Variants in PIWIL2 observed in about 807,000 individuals in gnomAD.
The protein encoded by PIWIL2 is piwi like RNA-mediated gene silencing 2, also known as piwi-like protein 2.
Under a neutral mutation model 116.5 loss-of-function variants are expected in PIWIL2, and 81 were observed. The ratio of observed to expected loss-of-function variants is 0.70; its 90% CI spans 0.58 to 0.84. The LOEUF (loss-of-function observed/expected upper bound fraction) is 0.84. Among genes scored for constraint, PIWIL2 ranks in the 40% least tolerant of loss-of-function variants. The pLI is 0.00. For missense variants in PIWIL2, 1,272 were observed against 1,212.3 expected (o/e 1.05, Z -0.73); for synonymous variants, 489 against 429.5 (o/e 1.14, Z -1.71).
intron 20 of PIWIL2, among the ~76,000 whole-genome samples, chr8:22,351,440 C>CAT (rs71544885): frequency 0.023 from 1,185 of 52,444 alleles, 14 homozygotes; most frequent in Non-Finnish European, 0.028. Context: ...TGCATACATA[C>CAT]ATATATATAT....
chr8:22,311,234 G>T lies in PIWIL2; in HGVS notation c.1923G>T (p.Trp641Cys). ...PIGMRMSPPA[W>C]VELKDDRIET... ...GCATGCGTATGAGCCCACCGGCCTGGGTTGAACTAAAGGATGACCGAATAG... is the reference window on the plus strand; with the variant it reads ...GCATGCGTATGAGCCCACCGGCCTGTGTTGAACTAAAGGATGACCGAATAG... The change falls in exon 16 of 23, where the codon TGG becomes TGT. Residue 641 changes from tryptophan (W) to cysteine (C), a missense_variant. Coordinates refer to ENST00000356766, the MANE Select transcript of PIWIL2 (RefSeq NM_018068.5). 1 of 1,614,152 alleles carries T rather than the reference G, an allele frequency of 6.2e-7. No homozygotes were observed. Among genetic ancestry groups the T allele is most frequent in the Non-Finnish European group, 8.5e-7 (1 of 1,180,020 alleles).
chr8:22,327,352 G>A (rs1302899008), intron 20 of PIWIL2, among the ~76,000 whole-genome samples: 1 of 146,252 alleles, frequency 6.8e-6, no homozygotes. Flanking sequence ...ACTGTTTTTT[G>A]TGGGGTTTTT....
At chr8:22,316,158 T>A in intron 18 of PIWIL2, 87 bp from the exon 19 acceptor site, 1 of 765,932 alleles carries the variant, frequency 1.3e-6, no homozygotes, top group Non-Finnish European at 2.3e-6. Flanking sequence ...AAGGGGAGGT[T>A]GCTTTGGGAT....
chr8:22,352,777 C>G (rs1832402181), intron 20 of PIWIL2, 182 bp from the exon 21 acceptor site: 3 of 564,722 alleles, frequency 5.3e-6, no homozygotes, highest in African/African-American at 1.9e-5. Context: ...TTTTACTACC[C>G]CAAGGAAGTC....
intron 21 of PIWIL2, 126 bp from the exon 22 acceptor site, chr8:22,354,145 G>A: frequency 1.5e-6 from 1 of 660,950 alleles, no homozygotes. Flanking sequence ...TGGCCTCTGT[G>A]TCCTTGATCC....
chr8:22,278,773 C>A (rs1009177809), intron 1 of PIWIL2, among the ~76,000 whole-genome samples: 1 of 152,182 alleles, frequency 6.6e-6, no homozygotes, highest in Non-Finnish European at 1.5e-5. Context: ...ATCACCTGAG[C>A]TCTGCCTCCT....
chr8:22,325,794 C>G (rs1419019937), intron 20 of PIWIL2, among the ~76,000 whole-genome samples: 1 of 151,882 alleles, frequency 6.6e-6, no homozygotes, highest in Non-Finnish European at 1.5e-5. Flanking sequence ...TTGTTTTAGT[C>G]CTTTCATAGT....
rs1563340709 is a variant in PIWIL2, at chr8:22,279,405, T to A, written c.19T>A (p.Ser7Thr). The A allele has an allele frequency of 1.2e-6, 2 of 1,614,000 alleles. No individual in the cohort carries two copies. Among genetic ancestry groups the A allele is most frequent in the Non-Finnish European group, 8.5e-7 (1 of 1,180,010 alleles). MDPFRP[S>T]FRGQSPIHPS... ...CCCGTCCATGGATCCTTTCCGACCA[T>A]CGTTCAGGGGCCAGTCTCCTATCCA... The change falls in exon 2 of 23, where the codon TCG (serine) becomes ACG (threonine). Residue 7 changes from serine (S) to threonine (T), a missense_variant. Physicochemically the swap from Ser to Thr is moderately conservative, Grantham distance 58. Transcript: ENST00000356766.
At chr8:22,283,991 A>G (rs906060072) in intron 5 of PIWIL2, among the ~76,000 whole-genome samples, 171 bp from the exon 6 acceptor site, 5 of 151,810 alleles carry the variant, frequency 3.3e-5, no homozygotes, top group African/African-American at 1.2e-4. Flanking sequence ...TTTGCCTTCT[A>G]GCCTTCAGAG....
intron 10 of PIWIL2, among the ~76,000 whole-genome samples, chr8:22,296,793 C>G (rs1227378181): frequency 6.6e-6 from 1 of 152,096 alleles, no homozygotes; most frequent in East Asian, 1.9e-4. Flanking sequence ...CCTCACTATT[C>G]TATATGAGAT....
intron 10 of PIWIL2, 23 bp downstream of exon 10, chr8:22,290,369 C>G: frequency 7.7e-7 from 1 of 1,302,738 alleles, no homozygotes; most frequent in Non-Finnish European, 1.1e-6. Context: ...TGGGGTCTAT[C>G]TTTAACATGC....
At chr8:22,303,979 G>C (rs1831113738) in intron 10 of PIWIL2, 42 bp from the exon 11 acceptor site, 2 of 1,344,954 alleles carry the variant, frequency 1.5e-6, no homozygotes, top group Admixed American at 1.8e-5. Context: ...TACTGTTCTG[G>C]ATATATACTG....
At chr8:22,325,481 C>CTTTTTTTT (rs749493740) in intron 20 of PIWIL2, among the ~76,000 whole-genome samples, 6 of 95,038 alleles carry the variant, frequency 6.3e-5, no homozygotes, top group Admixed American at 1.4e-4. Context: ...TTGATTTAGT[C>CTTTTTTTT]TTTTTTTTTT....
At chr8:22,319,756 T>A (rs1437476811) in intron 20 of PIWIL2, among the ~76,000 whole-genome samples, 2 of 152,226 alleles carry the variant, frequency 1.3e-5, no homozygotes, top group African/African-American at 4.8e-5. Flanking sequence ...AAAGCCTGAA[T>A]GTTCCACAAG....
intron 20 of PIWIL2, among the ~76,000 whole-genome samples, chr8:22,337,322 G>A (rs2132088546): frequency 6.6e-6 from 1 of 152,248 alleles, no homozygotes; most frequent in Admixed American, 6.5e-5. Flanking sequence ...TACAAGATCA[G>A]TATATAATAA....
At chr8:22,338,336 A>G (rs1832027974) in intron 20 of PIWIL2, among the ~76,000 whole-genome samples, 3 of 152,200 alleles carry the variant, frequency 2.0e-5, no homozygotes, top group Admixed American at 6.5e-5. Context: ...CACAAAAGTC[A>G]ATCACTTAAA....
intron 21 of PIWIL2, among the ~76,000 whole-genome samples, chr8:22,353,888 A>T (rs747748671): frequency 2.1e-5 from 3 of 145,068 alleles, no homozygotes; most frequent in African/African-American, 5.2e-5. Flanking sequence ...TGATCCTCCC[A>T]CCTCAGCCTC....
At position 22,327,592 on chromosome 8, in the gene PIWIL2, C is replaced by G. The variant is rs141113598; in HGVS notation, c.2403+9317C>G. 6.7e-3 allele frequency among the ~76,000 whole-genome samples: 1,017 copies of G among 152,182 alleles called. 10 individuals are homozygous for G. The highest frequency in any genetic ancestry group is 0.024 in the African/African-American group (986 of 41,502). On this transcript the variant is annotated intron_variant, in intron 20 of 22. Transcript: ENST00000356766. ...ATGTTGGTCAGGCTGGTCTCAAGCT[C>G]CCGACCTCAGGTGATCCGCCTACCT...
Position 22,288,561 on chromosome 8 carries a change from A to G in PIWIL2, c.881A>G (p.Gln294Arg). 6.2e-7 allele frequency: 1 copy of G among 1,613,156 alleles called. No homozygotes were observed. Among genetic ancestry groups the G allele is most frequent in the South Asian group, 1.1e-5 (1 of 91,024 alleles). Residue 294 changes from glutamine (Q) to arginine (R), a missense_variant, in exon 8 of 23, where the codon CAA (glutamine) becomes CGA (arginine). Physicochemically the swap from Gln to Arg is conservative, Grantham distance 43. Transcript: ENST00000356766. ...KLQQVLELKS[Q>R]RKTDSAEISI... ...TGTTAGGTTCTTGAGTTAAAAAGTC[A>G]AAGGAAAACAGACAGTGCTGAAATC...
Sources: allele counts gnomAD v4.1 joint callset (sites outside exome capture counted in the v4.1 genomes callset), GRCh38; gene constraint gnomAD v4.1.1; transcripts MANE v1.5; gene names NCBI Gene and HGNC (gene_info 2026-07-23, HGNC 2026-07-21).